The following PLPP3 variants were observed in gnomAD, a reference collection of about 807,000 sequenced individuals.
PLPP3 encodes the protein PAP2 beta.
Under a neutral mutation model 29.6 loss-of-function variants are expected in PLPP3, and 6 were observed. The observed-to-expected ratio is 0.20, with a 90% CI of 0.11 to 0.40. The LOEUF is 0.40. Among genes scored for constraint, PLPP3 ranks in the 10% least tolerant of loss-of-function variants. The pLI, the probability that PLPP3 is intolerant of heterozygous loss-of-function variation, is 1.00. For synonymous variants in PLPP3, 152 were observed against 159.7 expected, an observed-to-expected ratio of 0.95 and a Z score of 0.36; for missense variants, 308 against 407.7, an observed-to-expected ratio of 0.76 and a Z score of 2.11.
chr1:56,539,176 ATTTCATTC>A (rs1287829869), intron 1 of PLPP3, among the ~76,000 whole-genome samples: 1 of 152,188 alleles, frequency 6.6e-6, no homozygotes, highest in Admixed American at 6.5e-5. Flanking sequence ...TTGCAAATTG[ATTTCATTC>A]AAATGTGAAT....
At chr1:56,573,929 C>A (rs1278831517) in intron 1 of PLPP3, among the ~76,000 whole-genome samples, 1 of 152,086 alleles carries the variant, frequency 6.6e-6, no homozygotes, top group Non-Finnish European at 1.5e-5. Flanking sequence ...GGGCCTGGCA[C>A]GGTGGCTCAC....
intron 1 of PLPP3, among the ~76,000 whole-genome samples, chr1:56,562,565 A>G (rs572701935): frequency 2.0e-5 from 3 of 152,246 alleles, no homozygotes; most frequent in African/African-American, 7.2e-5. Flanking sequence ...ATATTTTTCT[A>G]TACCTGTGGG....
Position 56,524,142 on chromosome 1 carries a change from C to A in PLPP3, c.575+135G>T, listed in dbSNP as rs1040605991. On this transcript the variant is annotated intron_variant, in intron 3 of 5. Transcript: ENST00000371250. This position sits in a 1 kb window ranked among gnomAD's most constrained non-coding sequence, Gnocchi z 4.3. ...TGATTTACATATCTGTCTCAATCAT[C>A]TGACTGTGAGTTCCTCAAGAATAGG... is the stretch of plus-strand genomic sequence containing the variant. The A allele has an allele frequency of 1.8e-6, 2 of 1,087,106 alleles. No homozygotes were observed. Among genetic ancestry groups the A allele is most frequent in the African/African-American group, 1.6e-5 (1 of 63,222 alleles). 67.3% of individuals were successfully genotyped at this position (1,087,106 alleles called of 1,614,324 possible). A position where few individuals can be genotyped will look rare whatever the true frequency, so the allele number is the denominator to read the frequency against.
intron 1 of PLPP3, among the ~76,000 whole-genome samples, chr1:56,562,741 A>C (rs2404719): frequency 6.6e-6 from 1 of 152,154 alleles, no homozygotes; most frequent in Non-Finnish European, 1.5e-5. Flanking sequence ...TCTTAGACTC[A>C]ATATTTTTAA....
At chr1:56,546,917 A>G (rs1646009861) in intron 1 of PLPP3, among the ~76,000 whole-genome samples, 1 of 152,250 alleles carries the variant, frequency 6.6e-6, no homozygotes, top group East Asian at 1.9e-4. Context: ...AGCAATAGCT[A>G]TCTAAAATCA....
chr1:56,508,780 T>TC (rs113305653), intron 5 of PLPP3, among the ~76,000 whole-genome samples: 1 of 152,072 alleles, frequency 6.6e-6, no homozygotes, highest in African/African-American at 2.4e-5. Flanking sequence ...TACTCATAGT[T>TC]CCCTCTCCCA....
intron 2 of PLPP3, among the ~76,000 whole-genome samples, chr1:56,530,159 C>T (rs957776633): frequency 6.6e-6 from 1 of 151,800 alleles, no homozygotes; most frequent in Non-Finnish European, 1.5e-5. Context: ...TAATATCACA[C>T]CACCATGCTT....
At chr1:56,540,566 C>T (rs948368466) in intron 1 of PLPP3, among the ~76,000 whole-genome samples, 1 of 152,100 alleles carries the variant, frequency 6.6e-6, no homozygotes, top group Non-Finnish European at 1.5e-5. Flanking sequence ...GGAGGGTTTC[C>T]GGTTCTGATT....
intron 1 of PLPP3, among the ~76,000 whole-genome samples, chr1:56,566,428 T>A (rs1646162525): frequency 1.3e-5 from 2 of 152,192 alleles, no homozygotes; most frequent in Admixed American, 1.3e-4. Context: ...ATGGAGACAA[T>A]AGTAACAAGT....
At chr1:56,506,472 G>A (rs1055490935) in intron 5 of PLPP3, among the ~76,000 whole-genome samples, 1 of 152,142 alleles carries the variant, frequency 6.6e-6, no homozygotes, top group African/African-American at 2.4e-5. Context: ...AACGGCAAGC[G>A]GAGCCACACC....
At chr1:56,569,926 C>A (rs563162055) in intron 1 of PLPP3, among the ~76,000 whole-genome samples, 13 of 152,264 alleles carry the variant, frequency 8.5e-5, no homozygotes, top group Non-Finnish European at 1.8e-4. Flanking sequence ...CTTGCAAGAC[C>A]CAGCTCCACA....
chr1:56,561,885 A>G (rs1190750741), intron 1 of PLPP3, among the ~76,000 whole-genome samples: 6 of 151,964 alleles, frequency 3.9e-5, no homozygotes, highest in Admixed American at 1.3e-4. Context: ...AAATAAAAAA[A>G]TTAGCCGGGC....
chr1:56,535,672 C>A (rs943922209), intron 2 of PLPP3, among the ~76,000 whole-genome samples: 1 of 152,150 alleles, frequency 6.6e-6, no homozygotes, highest in Admixed American at 6.5e-5. Flanking sequence ...AAGCAGCAAG[C>A]GAAGAGCTGC....
intron 1 of PLPP3, among the ~76,000 whole-genome samples, chr1:56,574,651 G>A (rs1646223931): frequency 6.6e-6 from 1 of 152,190 alleles, no homozygotes; most frequent in African/African-American, 2.4e-5. Context: ...GCAGGTGAAA[G>A]GACACATCCG....
At chr1:56,497,229 G>A (rs1026686132) in intron 5 of PLPP3, among the ~76,000 whole-genome samples, 2 of 152,202 alleles carry the variant, frequency 1.3e-5, no homozygotes, top group African/African-American at 2.4e-5. Flanking sequence ...TGAGAAAGTT[G>A]GCAACTAAAC....
intron 1 of PLPP3, among the ~76,000 whole-genome samples, chr1:56,578,446 C>T (rs1489138228): frequency 1.3e-5 from 2 of 152,118 alleles, no homozygotes; most frequent in Non-Finnish European, 2.9e-5. Flanking sequence ...GAAGGCAGCT[C>T]GGCTCCAGGC....
intron 5 of PLPP3, among the ~76,000 whole-genome samples, chr1:56,509,078 C>A (rs1273859413): frequency 1.3e-5 from 2 of 152,188 alleles, no homozygotes; most frequent in African/African-American, 4.8e-5. Flanking sequence ...CGATTCCAAG[C>A]CATTCTGGAC....
intron 4 of PLPP3, among the ~76,000 whole-genome samples, chr1:56,518,105 CAG>C (rs760241450): frequency 9.9e-5 from 15 of 152,194 alleles, no homozygotes; most frequent in Non-Finnish European, 2.2e-4. Context: ...AAGAGGTACT[CAG>C]AAATAGATGG....
chr1:56,498,136 G>C (rs1486694627), intron 5 of PLPP3, among the ~76,000 whole-genome samples: 1 of 151,826 alleles, frequency 6.6e-6, no homozygotes, highest in African/African-American at 2.4e-5. Flanking sequence ...TTCACAGTTT[G>C]AGTGCTATTG....
Sources: allele counts gnomAD v4.1 joint callset (sites outside exome capture counted in the v4.1 genomes callset), GRCh38; gene constraint gnomAD v4.1.1; non-coding constraint Gnocchi (gnomAD v3.1); transcripts MANE v1.5; gene names NCBI Gene and HGNC (gene_info 2026-07-23, HGNC 2026-07-21).